The following KDM1B variants were observed in gnomAD, a reference collection of about 807,000 sequenced individuals.
KDM1B encodes the protein lysine-specific histone demethylase 2.
Under a neutral mutation model 107.4 loss-of-function variants are expected in KDM1B, and 63 were observed. That is an observed-to-expected ratio of 0.59 (90% confidence interval 0.48 to 0.72). KDM1B has a LOEUF of 0.72. Ranked by LOEUF, KDM1B falls within the 30% of genes least tolerant of loss-of-function variation. KDM1B has a pLI of 0.00. For synonymous variants in KDM1B, 363 were observed against 363.9 expected (o/e 1.00, Z 0.03); for missense variants, 749 against 1,020.8 (o/e 0.73, Z 3.63).
intron 21 of KDM1B, among the ~76,000 whole-genome samples, chr6:18,219,771 A>G (rs767007681): frequency 3.9e-5 from 6 of 152,242 alleles, no homozygotes; most frequent in Non-Finnish European, 8.8e-5. Context: ...CTTATCAACC[A>G]GTGGCCGGAT....
chr6:18,184,194 T>C (rs936464270), intron 7 of KDM1B, among the ~76,000 whole-genome samples: 1 of 151,850 alleles, frequency 6.6e-6, no homozygotes, highest in Non-Finnish European at 1.5e-5. Flanking sequence ...TACAATCATA[T>C]AGTTTTGTTT....
At chr6:18,156,933 C>A (rs1490865411) in intron 2 of KDM1B, among the ~76,000 whole-genome samples, 2 of 152,006 alleles carry the variant, frequency 1.3e-5, no homozygotes, top group African/African-American at 4.8e-5. Context: ...AAGAAAAAAT[C>A]TTTTTGAATA....
At position 18,213,569 on chromosome 6, in the gene KDM1B, G is replaced by T. The variant is rs1317939311; in HGVS notation, c.1984-87G>T. On this transcript the variant is annotated intron_variant, in intron 18 of 21. Coordinates refer to ENST00000650836, the MANE Select transcript of KDM1B (RefSeq NM_001364614.2). This position sits in a 1 kb window ranked among gnomAD's most constrained non-coding sequence, Gnocchi z 5.9. Reference sequence around the variant, plus strand: ...TCTTTCGGGCAGTGTCTTTGTTTTAGAGTAGAGCTACAGGTTGCTGCTTAG... The same window carrying T: ...TCTTTCGGGCAGTGTCTTTGTTTTATAGTAGAGCTACAGGTTGCTGCTTAG... 1 of 1,379,040 alleles carries T rather than the reference G, an allele frequency of 7.3e-7. No homozygotes were observed. Among genetic ancestry groups the T allele is most frequent in the Non-Finnish European group, 1.0e-6 (1 of 975,702 alleles). The allele number at this position is 1,379,040 out of a possible 1,614,324, so 85.4% of individuals were successfully genotyped here. A position where few individuals can be genotyped will look rare whatever the true frequency, so the allele number is the denominator to read the frequency against.
intron 7 of KDM1B, among the ~76,000 whole-genome samples, chr6:18,182,701 T>A (rs1786561168): frequency 6.6e-6 from 1 of 152,218 alleles, no homozygotes; most frequent in African/African-American, 2.4e-5. Context: ...CTACTTTTTT[T>A]TAATTTTTTT....
At position 18,223,478 on chromosome 6, in the gene KDM1B, A is replaced by G. The variant is rs995085676; in HGVS notation, c.*1486A>G. The G allele has an allele frequency of 6.6e-6, 1 of 152,156 alleles. No homozygotes were observed. Among genetic ancestry groups the G allele is most frequent in the Non-Finnish European group, 1.5e-5 (1 of 68,006 alleles). 9.4% of individuals were successfully genotyped at this position (152,156 alleles called of 1,614,324 possible). ...TACTGACTGGCAAGTATTCTGCTTT[A>G]AAGTATCATGTATTAAAATGTTTAG... is the stretch of plus-strand genomic sequence containing the variant. On this transcript the variant is annotated 3_prime_UTR_variant, in exon 22 of 22. Transcript: ENST00000650836.
chr6:18,160,856 T>A, intron 3 of KDM1B, among the ~76,000 whole-genome samples: 1 of 139,816 alleles, frequency 7.2e-6, no homozygotes, highest in African/African-American at 2.6e-5. Context: ...TTCCAGACAA[T>A]CTCCTCTATC....
chr6:18,164,469 C>T (rs1234758484), intron 5 of KDM1B, among the ~76,000 whole-genome samples: 2 of 152,048 alleles, frequency 1.3e-5, no homozygotes, highest in African/African-American at 4.8e-5. Context: ...CTGTTGTTAA[C>T]ATTGTACATC....
intron 12 of KDM1B, among the ~76,000 whole-genome samples, chr6:18,199,781 A>T (rs1787914148): frequency 6.6e-6 from 1 of 151,412 alleles, no homozygotes; most frequent in African/African-American, 2.4e-5. Flanking sequence ...CTATGTAGAT[A>T]TTTCTTAGGA....
At position 18,207,398 on chromosome 6, in the gene KDM1B, G is replaced by A; in HGVS notation, c.1660G>A (p.Val554Ile). 2 of 1,613,996 alleles carry A rather than the reference G, an allele frequency of 1.2e-6. No individual in the cohort carries two copies. Among genetic ancestry groups the A allele is most frequent in the Non-Finnish European group, 1.7e-6 (2 of 1,179,928 alleles). ...EYACGSNLHQ[V>I]SARSWDHNEF... ...GTCCCCAACCTCTCTTGTTTCCCAG[G>A]TATCTGCTCGCTCGTGGGACCACAA... The change falls in exon 16 of 22, where the codon GTA becomes ATA. Residue 554 changes from valine (V) to isoleucine (I), a missense_variant and splice_region_variant. Transcript: ENST00000650836.
intron 10 of KDM1B, among the ~76,000 whole-genome samples, chr6:18,196,678 C>G (rs1257772661): frequency 1.3e-5 from 2 of 152,162 alleles, no homozygotes; most frequent in African/African-American, 2.4e-5. Context: ...AAACACTATA[C>G]AGACTTTCCT....
At chr6:18,199,160 C>T (rs1028980970) in intron 12 of KDM1B, among the ~76,000 whole-genome samples, 4 of 151,766 alleles carry the variant, frequency 2.6e-5, no homozygotes, top group South Asian at 2.1e-4. Flanking sequence ...ATCTAGCCAC[C>T]GCACTCCAGT....
chr6:18,191,490 G>A lies in KDM1B; in HGVS notation c.969+109G>A, dbSNP rs1009177211. 2.4e-5 allele frequency: 29 copies of A among 1,227,858 alleles called. 1 individual carries two copies. Among genetic ancestry groups the A allele is most frequent in the African/African-American group, 2.0e-4 (13 of 65,518 alleles). 76.1% of individuals were successfully genotyped at this position (1,227,858 alleles called of 1,614,324 possible). A position where few individuals can be genotyped will look rare whatever the true frequency, so the allele number is the denominator to read the frequency against. On this transcript the variant is annotated intron_variant, in intron 10 of 21. Coordinates refer to ENST00000650836, the MANE Select transcript of KDM1B (RefSeq NM_001364614.2). This position sits in a 1 kb window ranked among gnomAD's most constrained non-coding sequence, Gnocchi z 5.1. The stretch of plus-strand genomic sequence containing the variant: ...CCTTTTATGCCAGGGTTTCTCAGCC[G>A]TGCCTCTGTTGACAATTTGGGCAGA...
chr6:18,178,040 T>C (rs1786147120), intron 7 of KDM1B, among the ~76,000 whole-genome samples: 1 of 152,192 alleles, frequency 6.6e-6, no homozygotes, highest in Non-Finnish European at 1.5e-5. Flanking sequence ...TATTTCTAGA[T>C]ACTTAATTTT....
chr6:18,185,685 A>T, intron 7 of KDM1B, 87 bp from the exon 8 acceptor site: 2 of 1,183,296 alleles, frequency 1.7e-6, no homozygotes, highest in South Asian at 2.4e-5. Flanking sequence ...CTGATAGGTG[A>T]AAAGAGATAT....
In KDM1B at chr6:18,162,857, T is replaced by G; in HGVS notation, c.238T>G (p.Ser80Ala). 6.2e-7 allele frequency: 1 copy of G among 1,610,446 alleles called. No individual in the cohort carries two copies. Among genetic ancestry groups the G allele is most frequent in the Non-Finnish European group, 8.5e-7 (1 of 1,176,628 alleles). ...SERCAKNGYT[S>A]RWYHLSCGEH... The stretch of plus-strand genomic sequence containing the variant: ...CAGATGTGCCAAAAATGGCTACACC[T>G]CCCGATGGTATCATCTCTCCTGTGG... Residue 80 changes from serine to alanine, a missense_variant, in exon 5 of 22, where the codon TCC becomes GCC. By Grantham distance (99) the Ser-to-Ala change is moderately conservative. Transcript: ENST00000650836. This position sits in a 1 kb window ranked among gnomAD's most constrained non-coding sequence, Gnocchi z 4.1.
intron 17 of KDM1B, among the ~76,000 whole-genome samples, chr6:18,208,597 G>T (rs1195081056): frequency 2.1e-5 from 1 of 46,676 alleles, no homozygotes; most frequent in African/African-American, 9.3e-5. Context: ...ATAGAAGTAT[G>T]TGTATGTATA....
rs140544195 is a variant in KDM1B at position 18,178,849 on chromosome 6, A to G, written c.535-6923A>G. 6.0e-4 allele frequency among the ~76,000 whole-genome samples: 91 copies of G among 152,344 alleles called. 2 individuals carry two copies. The East Asian group carries it at 0.016, about 27-fold the overall frequency. ...CATAGATTCCTTTGGGTTGTCTGCA[A>G]ATCAGTCATACAAATAATCATGATT... On this transcript the variant is annotated intron_variant, in intron 7 of 21. Coordinates refer to ENST00000650836, the MANE Select transcript of KDM1B (RefSeq NM_001364614.2).
At chr6:18,193,298 C>CTTTTTTTTT (rs61133563) in intron 10 of KDM1B, among the ~76,000 whole-genome samples, 2 of 90,074 alleles carry the variant, frequency 2.2e-5, no homozygotes, top group Non-Finnish European at 2.2e-5. Flanking sequence ...TGTGTGCTTT[C>CTTTTTTTTT]TTTTTTTTTT....
Position 18,201,630 on chromosome 6 carries a change from A to T in KDM1B, c.1504A>T (p.Thr502Ser). Residue 502 changes from threonine to serine, a missense_variant, in exon 14 of 22, where the codon ACT becomes TCT. Thr to Ser is a moderately conservative substitution (Grantham distance 58). Transcript: ENST00000650836. This position sits in a 1 kb window ranked among gnomAD's most constrained non-coding sequence, Gnocchi z 4.3. ...TGTCTCTGAGTGGAGAAAGGATAAG[A>T]CTCAGCTCCAAGATGTCCCTTTAGG... The part of the protein sequence containing the change: ...DVVSEWRKDK[T>S]QLQDVPLGEK... 1 of 1,550,638 alleles carries T rather than the reference A, an allele frequency of 6.4e-7. No individual in the cohort carries two copies. The highest frequency in any genetic ancestry group is 2.0e-5 in the Admixed American group (1 of 50,940).
Sources: gnomAD v4.1 joint callset for allele counts (sites outside exome capture counted in the v4.1 genomes callset) on GRCh38, gnomAD v4.1.1 for gene constraint, Gnocchi (gnomAD v3.1) non-coding constraint, MANE v1.5 for transcripts, NCBI Gene and HGNC (gene_info 2026-07-23, HGNC 2026-07-21) for gene names.